The following TRIP4 variants were observed in gnomAD, a reference collection of about 807,000 sequenced individuals.
TRIP4 encodes the protein thyroid hormone receptor interactor 4.
In TRIP4, 54 loss-of-function variants were observed where a neutral mutation model predicts 81.8. The ratio of observed to expected loss-of-function variants is 0.66; its 90% CI spans 0.53 to 0.83. The LOEUF is 0.83. Among genes scored for constraint, TRIP4 ranks in the 40% least tolerant of loss-of-function variants. The probability of loss-of-function intolerance (pLI) is 0.00; values close to 1 mark genes in which losing one functional copy is unlikely to be tolerated. For missense variants in TRIP4, 662 were observed against 683.6 expected, an observed-to-expected ratio of 0.97 and a Z score of 0.35; for synonymous variants, 270 against 242.8, an observed-to-expected ratio of 1.11 and a Z score of -1.04.
intron 11 of TRIP4, among the ~76,000 whole-genome samples, chr15:64,444,161 G>C (rs1269339365): frequency 6.6e-6 from 1 of 152,160 alleles, no homozygotes; most frequent in African/African-American, 2.4e-5. Flanking sequence ...GTAGTTACTA[G>C]GAGAAAGTCT....
intron 11 of TRIP4, among the ~76,000 whole-genome samples, chr15:64,431,669 G>A (rs1009674620): frequency 6.6e-6 from 1 of 150,854 alleles, no homozygotes; most frequent in African/African-American, 2.4e-5. Context: ...TTGCACCACT[G>A]CACTCCAGCC....
At chr15:64,395,252 G>A (rs1233834542) in intron 2 of TRIP4, 146 bp from the exon 3 acceptor site, 2 of 671,052 alleles carry the variant, frequency 3.0e-6, no homozygotes, top group Non-Finnish European at 4.4e-6. Flanking sequence ...ATTCTGGTTT[G>A]ACAGGAAAAG....
At position 64,389,912 on chromosome 15, in the gene TRIP4, G is replaced by C. The variant is rs937071411; in HGVS notation, c.101+1948G>C. ...AGATGGGGTTTCACCATGTTGACCA[G>C]GGTGGTCTCGAACTCCTGACCTCAG... is the stretch of plus-strand genomic sequence containing the variant. On this transcript the variant is annotated intron_variant, in intron 1 of 12. Transcript: ENST00000261884. 3.3e-5 allele frequency among the ~76,000 whole-genome samples: 5 copies of C among 150,258 alleles called. No individual in the cohort carries two copies. In the Admixed American group the frequency reaches 3.3e-4, roughly 10 times the overall value.
intron 7 of TRIP4, among the ~76,000 whole-genome samples, chr15:64,411,921 T>C (rs1026501009): frequency 8.6e-6 from 1 of 116,052 alleles, no homozygotes; most frequent in Non-Finnish European, 1.7e-5. Flanking sequence ...GACCTCGTGA[T>C]CCACCCGCCT....
intron 1 of TRIP4, among the ~76,000 whole-genome samples, chr15:64,391,304 G>T (rs1046799204): frequency 2.0e-5 from 3 of 151,792 alleles, no homozygotes; most frequent in Non-Finnish European, 4.4e-5. Flanking sequence ...CTACAGGCGC[G>T]TGACACCATG....
At chr15:64,430,720 C>T (rs1892250644) in intron 11 of TRIP4, among the ~76,000 whole-genome samples, 1 of 152,146 alleles carries the variant, frequency 6.6e-6, no homozygotes, top group Admixed American at 6.6e-5. Flanking sequence ...TATTCTATTT[C>T]TTCTGAACTG....
chr15:64,392,120 A>T (rs1900150789), intron 1 of TRIP4, among the ~76,000 whole-genome samples: 1 of 151,360 alleles, frequency 6.6e-6, no homozygotes, highest in Admixed American at 6.6e-5. Context: ...ACTAAAAAAA[A>T]GCAAAAACAA....
chr15:64,393,995 G>A lies in TRIP4; in HGVS notation c.151G>A (p.Asp51Asn), dbSNP rs769031210. 1 of 1,609,244 alleles carries A rather than the reference G, an allele frequency of 6.2e-7. No individual in the cohort carries two copies. Among genetic ancestry groups the A allele is most frequent in the Admixed American group, 1.7e-5 (1 of 59,268 alleles). Residue 51 changes from aspartate (D) to asparagine (N), a missense_variant, in exon 2 of 13, where the codon GAT (aspartate) becomes AAT (asparagine). Asp to Asn is a conservative substitution (Grantham distance 23, BLOSUM62 1). Coordinates refer to ENST00000261884, the MANE Select transcript of TRIP4 (RefSeq NM_016213.5). ...TGAAGAGATACGAGAATATGTTACT[G>A]ATCTCCTCCAGGGAAATGAAGGCAA... ...SAEEIREYVT[D>N]LLQGNEGKKG... is the part of the protein sequence containing the mutation.
At chr15:64,440,306 C>G (rs1488759996) in intron 11 of TRIP4, among the ~76,000 whole-genome samples, 1 of 151,844 alleles carries the variant, frequency 6.6e-6, no homozygotes, top group Admixed American at 6.6e-5. Context: ...CCTCCCTTCT[C>G]TTATTCTTTC....
At chr15:64,405,307 ACCATGCCTGGCT>A (rs1326550388) in intron 5 of TRIP4, among the ~76,000 whole-genome samples, 3 of 151,990 alleles carry the variant, frequency 2.0e-5, no homozygotes, top group African/African-American at 7.2e-5. Context: ...GGTGCCTGCC[ACCATGCCTGGCT>A]AATTTTTTGT....
chr15:64,388,531 G>T (rs1900021596), intron 1 of TRIP4, among the ~76,000 whole-genome samples: 1 of 152,046 alleles, frequency 6.6e-6, no homozygotes, highest in South Asian at 2.1e-4. Flanking sequence ...CTAGTCTCCA[G>T]CTCCTGATCT....
rs763282085 is a variant in TRIP4, at chr15:64,445,036, C to T, written c.1606C>T (p.Pro536Ser). 9.4e-6 allele frequency: 15 copies of T among 1,598,300 alleles called. No individual in the cohort carries two copies. In the East Asian group the frequency reaches 2.9e-4, roughly 31 times the overall value. Residue 536 changes from proline to serine, a missense_variant, in exon 12 of 13, where the codon CCA becomes TCA. Pro to Ser is a moderately conservative substitution (Grantham distance 74). Transcript: ENST00000261884. ...FPDISQESDS[P>S]FVFICKNPQE... ...AGACATCAGTCAAGAGTCTGATTCT[C>T]CATTTGTTTTCATCTGCAAAAATCC...
Position 64,406,382 on chromosome 15 carries a change from T to C in TRIP4, c.750T>C (p.His250=). Reference sequence around the variant, plus strand: ...TCTCTACCAAGGACCTTCTTCCTCATCAAGAATTGCGAATTAAGTCTGGTC... The same window carrying C: ...TCTCTACCAAGGACCTTCTTCCTCACCAAGAATTGCGAATTAAGTCTGGTC... ...VDISTKDLLP[H]QELRIKSGLE... The change falls in exon 6 of 13, where the codon CAT becomes CAC. Residue 250 remains histidine, a synonymous_variant. Transcript: ENST00000261884. 1 of 1,614,190 alleles carries C rather than the reference T, an allele frequency of 6.2e-7. No individual in the cohort carries two copies. Among genetic ancestry groups the C allele is most frequent in the South Asian group, 1.1e-5 (1 of 91,080 alleles).
At chr15:64,388,508 C>T (rs955686833) in intron 1 of TRIP4, among the ~76,000 whole-genome samples, 2 of 152,030 alleles carry the variant, frequency 1.3e-5, no homozygotes, top group African/African-American at 4.8e-5. Flanking sequence ...AGTGTTTCAC[C>T]ATGTTGGCCA....
chr15:64,398,054 C>G (rs1196654103), intron 4 of TRIP4, among the ~76,000 whole-genome samples: 1 of 152,030 alleles, frequency 6.6e-6, no homozygotes, highest in Non-Finnish European at 1.5e-5. Context: ...GTGCCTGCCA[C>G]CACGCCCAGC....
chr15:64,453,734 A>G (rs772251237), intron 12 of TRIP4, among the ~76,000 whole-genome samples: 9 of 152,058 alleles, frequency 5.9e-5, no homozygotes, highest in South Asian at 2.1e-4. Flanking sequence ...AAAAGAAAAG[A>G]GAGAGAGAGA....
intron 9 of TRIP4, among the ~76,000 whole-genome samples, chr15:64,419,325 C>T (rs1596348335): frequency 6.6e-6 from 1 of 152,174 alleles, no homozygotes; most frequent in East Asian, 1.9e-4. Flanking sequence ...TAATAGCTTA[C>T]TATTCCGTGG....
At chr15:64,400,118 G>A (rs1413776050) in intron 4 of TRIP4, among the ~76,000 whole-genome samples, 1 of 151,332 alleles carries the variant, frequency 6.6e-6, no homozygotes, top group Non-Finnish European at 1.5e-5. Flanking sequence ...AATCTGACAA[G>A]AGAAGTTAAT....
rs147685835 is a variant in TRIP4, at chr15:64,412,682, C to T, written c.1044-1403C>T. Among the ~76,000 whole-genome samples the T allele has an allele frequency of 3.2e-3, 490 of 152,204 alleles. 1 individual carries two copies. The highest frequency in any genetic ancestry group is 0.011 in the African/African-American group (470 of 41,534). Reference sequence around the variant, plus strand: ...GAATTGAAGGTCAAGTTTAGCCTTTCCTGTTAGTTGAAGCTTTTCATTATG... The same window carrying T: ...GAATTGAAGGTCAAGTTTAGCCTTTTCTGTTAGTTGAAGCTTTTCATTATG... On this transcript the variant is annotated intron_variant, in intron 7 of 12. Transcript: ENST00000261884.
Sources: gnomAD v4.1 joint callset for allele counts (sites outside exome capture counted in the v4.1 genomes callset) on GRCh38, gnomAD v4.1.1 for gene constraint, MANE v1.5 for transcripts, NCBI Gene and HGNC (gene_info 2026-07-23, HGNC 2026-07-21) for gene names.